The following EIF2AK4 variants were observed in gnomAD, a reference collection of about 807,000 sequenced individuals.
EIF2AK4 encodes the protein eIF-2-alpha kinase GCN2.
Under a neutral mutation model 211.1 loss-of-function variants are expected in EIF2AK4, and 139 were observed. That is an observed-to-expected ratio of 0.66 (90% CI 0.57 to 0.76). EIF2AK4 has a LOEUF of 0.76. EIF2AK4 is among the 30% of genes least tolerant of loss of function. The probability of loss-of-function intolerance (pLI) is 0.00; values close to 1 mark genes in which losing one functional copy is unlikely to be tolerated. For synonymous variants in EIF2AK4, 710 were observed against 751.3 expected, an observed-to-expected ratio of 0.94 and a Z score of 0.90; for missense variants, 1,664 against 2,043.8, an observed-to-expected ratio of 0.81 and a Z score of 3.58.
At chr15:40,005,277 A>G (rs2035144878) in intron 23 of EIF2AK4, among the ~76,000 whole-genome samples, 2 of 152,200 alleles carry the variant, frequency 1.3e-5, no homozygotes, top group African/African-American at 4.8e-5. Context: ...GATTTGTAGG[A>G]ATGTGCATGG....
At chr15:40,020,281 G>T (rs1053742762) in intron 30 of EIF2AK4, among the ~76,000 whole-genome samples, 1 of 151,024 alleles carries the variant, frequency 6.6e-6, no homozygotes, top group Non-Finnish European at 1.5e-5. Context: ...AGAGAAAAAT[G>T]GTATTTTCCA....
chr15:39,942,757 G>C (rs190641006), intron 2 of EIF2AK4, among the ~76,000 whole-genome samples: 1 of 152,196 alleles, frequency 6.6e-6, no homozygotes, highest in Admixed American at 6.5e-5. Flanking sequence ...TACACAAGAA[G>C]TGAGCATTTC....
At chr15:40,019,741 G>A (rs939550965) in intron 30 of EIF2AK4, among the ~76,000 whole-genome samples, 14 of 152,084 alleles carry the variant, frequency 9.2e-5, no homozygotes, top group Non-Finnish European at 1.5e-4. Flanking sequence ...CCAGTCCCTG[G>A]TGCCAAAAAG....
At position 40,020,915 on chromosome 15, in the gene EIF2AK4, G is replaced by A. The variant is rs1482529431; in HGVS notation, c.4190G>A (p.Cys1397Tyr). ...CTGATCCAGGTTACAATAAGCTCTT[G>A]TGACCTCCTGGTTGTAAGTGTTGGC... is the stretch of plus-strand genomic sequence containing the variant. ...NMEESVTISS[C>Y]DLLVVSVGQM... Residue 1397 changes from cysteine to tyrosine, a missense_variant, in exon 31 of 39, where the codon TGT becomes TAT. Cys to Tyr is a radical substitution (Grantham distance 194). Around this residue, in one of 7 missense-constraint regions of EIF2AK4, gnomAD observed 622 missense variants for 796.8 expected, o/e 0.78. Transcript: ENST00000263791. 2 of 1,611,428 alleles carry A rather than the reference G, an allele frequency of 1.2e-6. No individual in the cohort carries two copies. The highest frequency in any genetic ancestry group is 2.7e-5 in the African/African-American group (2 of 74,886).
intron 33 of EIF2AK4, among the ~76,000 whole-genome samples, chr15:40,027,290 C>T (rs2035477315): frequency 6.6e-6 from 1 of 152,102 alleles, no homozygotes; most frequent in Non-Finnish European, 1.5e-5. Context: ...TGTGATACCA[C>T]AAATCATATA....
At chr15:39,951,220 G>A (rs1225350928) in intron 4 of EIF2AK4, among the ~76,000 whole-genome samples, 8 of 151,880 alleles carry the variant, frequency 5.3e-5, no homozygotes, top group African/African-American at 1.9e-4. Context: ...ACAGACTTTC[G>A]CTGTTGTTGC....
At position 39,985,872 on chromosome 15, in the gene EIF2AK4, A is replaced by G; in HGVS notation, c.2387A>G (p.His796Arg). ...SEPSVTTEAV[H>R]YLYIQMEYCE... ...CCATCAGTGACGACTGAGGCTGTGC[A>G]CTACCTATACATCCAGGTGAGGTCG... The change falls in exon 14 of 39, where the codon CAC (histidine) becomes CGC (arginine). Residue 796 changes from histidine to arginine, a missense_variant. Coordinates refer to ENST00000263791, the MANE Select transcript of EIF2AK4 (RefSeq NM_001013703.4). 2 of 1,614,064 alleles carry G rather than the reference A, an allele frequency of 1.2e-6. No homozygotes were observed. The highest frequency in any genetic ancestry group is 1.7e-6 in the Non-Finnish European group (2 of 1,179,958).
intron 15 of EIF2AK4, among the ~76,000 whole-genome samples, chr15:39,988,788 G>A (rs2034901653): frequency 6.6e-6 from 1 of 152,132 alleles, no homozygotes; most frequent in Non-Finnish European, 1.5e-5. Context: ...ATCACTTGAG[G>A]TCAGGAGTTC....
At chr15:39,957,938 C>T (rs1163843124) in intron 6 of EIF2AK4, among the ~76,000 whole-genome samples, 1 of 152,184 alleles carries the variant, frequency 6.6e-6, no homozygotes, top group East Asian at 1.9e-4. Context: ...ACTCACTATT[C>T]TAGTGGAAAG....
At chr15:40,023,206 G>C (rs936749621) in intron 32 of EIF2AK4, among the ~76,000 whole-genome samples, 1 of 152,142 alleles carries the variant, frequency 6.6e-6, no homozygotes, top group Admixed American at 6.5e-5. Flanking sequence ...TCTGCTGATA[G>C]GCATATCCTC....
chr15:39,980,889 T>C (rs1234292030), intron 13 of EIF2AK4, among the ~76,000 whole-genome samples: 1 of 152,122 alleles, frequency 6.6e-6, no homozygotes, highest in Non-Finnish European at 1.5e-5. Context: ...AAAATATAAT[T>C]ACCAGCAGTT....
At chr15:39,953,224 A>G (rs760045777) in intron 4 of EIF2AK4, among the ~76,000 whole-genome samples, 2 of 152,188 alleles carry the variant, frequency 1.3e-5, no homozygotes, top group Admixed American at 6.5e-5. Context: ...TTAGCTAACA[A>G]TTTTGTTTTG....
rs74660075 is a variant in EIF2AK4, at chr15:39,936,996, T to C, written c.145-2509T>C. Among the ~76,000 whole-genome samples the C allele has an allele frequency of 1.6e-3, 244 of 152,344 alleles. 5 individuals carry two copies. In the East Asian group the frequency reaches 0.036, roughly 23 times the overall value. ...ATGTGTTGTAATATAAATTTCAGTT[T>C]AGTAGCATATGTATATCATTTATAA... is the stretch of plus-strand genomic sequence containing the variant. On this transcript the variant is annotated intron_variant, in intron 1 of 38. Coordinates refer to ENST00000263791, the MANE Select transcript of EIF2AK4 (RefSeq NM_001013703.4).
At chr15:39,988,889 T>C (rs565350285) in intron 15 of EIF2AK4, among the ~76,000 whole-genome samples, 2 of 152,238 alleles carry the variant, frequency 1.3e-5, no homozygotes, top group South Asian at 4.1e-4. Context: ...TAATCCCAGC[T>C]ACTTGGGAGG....
intron 30 of EIF2AK4, among the ~76,000 whole-genome samples, chr15:40,019,421 G>C (rs1288681292): frequency 1.3e-5 from 2 of 152,148 alleles, no homozygotes; most frequent in Non-Finnish European, 2.9e-5. Flanking sequence ...CCTTAGACCA[G>C]GGGTCCCTAA....
chr15:39,976,608 C>T lies in EIF2AK4; in HGVS notation c.2013C>T (p.Asp671=), dbSNP rs2034696778. ...CGGGACCGGGGACGCCGCCCCCGGA[C>T]TCCGGGCCCCTGGCCAAGGATGACC... The part of the protein sequence containing the change: ...RPAGPGTPPP[D]SGPLAKDDRA... Residue 671 remains aspartate (D), a synonymous_variant, in exon 12 of 39, where the codon GAC becomes GAT. Coordinates refer to ENST00000263791, the MANE Select transcript of EIF2AK4 (RefSeq NM_001013703.4). The T allele has an allele frequency of 6.2e-7, 1 of 1,608,070 alleles. No homozygotes were observed.
intron 6 of EIF2AK4, among the ~76,000 whole-genome samples, chr15:39,956,818 C>A (rs556868120): frequency 6.6e-6 from 1 of 152,080 alleles, no homozygotes; most frequent in African/African-American, 2.4e-5. Flanking sequence ...ACTTTGCTTC[C>A]ATGAAAAGAA....
At chr15:40,001,706 TCAA>T (rs1228919857) in intron 21 of EIF2AK4, among the ~76,000 whole-genome samples, 2 of 149,978 alleles carry the variant, frequency 1.3e-5, no homozygotes, top group Admixed American at 1.3e-4. Context: ...GCCATAAGCA[TCAA>T]CCAGCTCATA....
chr15:40,035,045 G>T lies in EIF2AK4; in HGVS notation c.4911G>T (p.Leu1637=). 1 of 1,582,576 alleles carries T rather than the reference G, an allele frequency of 6.3e-7. No individual in the cohort carries two copies. ...KVEKKVSVLF[L]YSYRDDYYRI... ...TTTGCAGGGTGTCTGTGCTATTTCT[G>T]TACAGCTATAGAGATGACTACTACA... The change falls in exon 39 of 39, where the codon CTG becomes CTT. Residue 1637 remains leucine, a synonymous_variant. Transcript: ENST00000263791.
Sources: gnomAD v4.1 joint callset for allele counts (sites outside exome capture counted in the v4.1 genomes callset) on GRCh38, gnomAD v4.1.1 for gene constraint, gnomAD v4.1.1 regional missense constraint, MANE v1.5 for transcripts, NCBI Gene and HGNC (gene_info 2026-07-23, HGNC 2026-07-21) for gene names.